Variants in PCDH15 observed in about 807,000 individuals in gnomAD.
PCDH15 encodes the protein protocadherin-15.
In PCDH15, 129 loss-of-function variants were observed where a neutral mutation model predicts 178.5. The ratio of observed to expected loss-of-function variants is 0.72; its 90% CI spans 0.63 to 0.84. PCDH15 has a LOEUF of 0.84. Among genes scored for constraint, PCDH15 ranks in the 40% least tolerant of loss-of-function variants. PCDH15 has a pLI of 0.00. For synonymous variants in PCDH15, 800 were observed against 732.0 expected, an observed-to-expected ratio of 1.09 and a Z score of -1.50; for missense variants, 2,230 against 2,099.9, an observed-to-expected ratio of 1.06 and a Z score of -1.21.
chr10:54,344,143 G>A (rs567197599), intron 6 of PCDH15, among the ~76,000 whole-genome samples: 13 of 152,156 alleles, frequency 8.5e-5, no homozygotes, highest in Non-Finnish European at 1.8e-4. Flanking sequence ...CCCTAAGATT[G>A]TACCTTGGTT....
chr10:53,899,386 CT>C (rs1564719148), intron 26 of PCDH15, among the ~76,000 whole-genome samples: 2 of 152,198 alleles, frequency 1.3e-5, no homozygotes, highest in South Asian at 4.2e-4. Context: ...TATTGTGTCA[CT>C]TTACCTGTAG....
At chr10:54,946,938 C>T (rs1351038846) in intron 2 of PCDH15, among the ~76,000 whole-genome samples, 1 of 151,858 alleles carries the variant, frequency 6.6e-6, no homozygotes, top group African/African-American at 2.4e-5. Flanking sequence ...TAATAAGGTA[C>T]ATCTGTATTA....
At chr10:53,928,669 G>T (rs1460051488) in intron 25 of PCDH15, among the ~76,000 whole-genome samples, 1 of 151,940 alleles carries the variant, frequency 6.6e-6, no homozygotes, top group African/African-American at 2.4e-5. Context: ...GCATTTAATA[G>T]GGCTTAGTGT....
In PCDH15 at chr10:55,581,734, A is replaced by G. The variant is rs143105481; in HGVS notation, c.-156+45891T>C. Among the ~76,000 whole-genome samples, 1,446 of 152,310 alleles carry G rather than the reference A, an allele frequency of 9.5e-3. 12 individuals carry two copies. Among genetic ancestry groups the G allele is most frequent in the South Asian group, 0.017 (80 of 4,824 alleles). ...GACAACTGTCTGAAGGACCTGGTAT[A>G]TGGACTTCTGCATAAAAAGACTGAA... is the stretch of plus-strand genomic sequence containing the variant. On this transcript the variant is annotated intron_variant, in intron 2 of 5. Coordinates refer to the PCDH15 transcript ENST00000613346.
At chr10:55,281,947 CA>C (rs2132258225) in intron 1 of PCDH15, among the ~76,000 whole-genome samples, 1 of 152,256 alleles carries the variant, frequency 6.6e-6, no homozygotes, top group South Asian at 2.1e-4. Flanking sequence ...TTCTCAGAAA[CA>C]AACTCCTTAG....
chr10:54,242,947 T>C (rs1564772186), intron 8 of PCDH15, among the ~76,000 whole-genome samples: 1 of 152,218 alleles, frequency 6.6e-6, no homozygotes, highest in Non-Finnish European at 1.5e-5. Flanking sequence ...ATCTTTACAC[T>C]GTATTTTAAT....
chr10:53,963,397 G>T (rs2088582336), intron 21 of PCDH15, among the ~76,000 whole-genome samples: 2 of 151,982 alleles, frequency 1.3e-5, no homozygotes, highest in African/African-American at 2.4e-5. Flanking sequence ...GACTCTGCTT[G>T]TTCCCACTCT....
At chr10:55,231,971 T>G (rs1713822269) in intron 1 of PCDH15, among the ~76,000 whole-genome samples, 1 of 152,068 alleles carries the variant, frequency 6.6e-6, no homozygotes, top group South Asian at 2.1e-4. Flanking sequence ...TATTTAATTC[T>G]GTCAAAGCTG....
Position 54,529,459 on chromosome 10 carries a change from T to C in PCDH15, c.92-1582A>G, listed in dbSNP as rs375020332. 9.9e-5 allele frequency among the ~76,000 whole-genome samples: 15 copies of C among 152,162 alleles called. No homozygotes were observed. In the South Asian group the frequency reaches 1.7e-3, roughly 17 times the overall value. ...TGTACCCAAATCAAAAGTGAAATAA[T>C]AGCATTCCTCTGAACAAAAACCTTA... is the stretch of plus-strand genomic sequence containing the variant. On this transcript the variant is annotated intron_variant, in intron 2 of 37. Transcript: ENST00000644397.
intron 1 of PCDH15, among the ~76,000 whole-genome samples, chr10:55,218,625 T>C (rs1222985233): frequency 6.6e-6 from 1 of 152,030 alleles, no homozygotes; most frequent in Non-Finnish European, 1.5e-5. Context: ...CCTTCGTTGA[T>C]AGGTAAGCCA....
intron 18 of PCDH15, among the ~76,000 whole-genome samples, chr10:54,058,048 C>T (rs767670223): frequency 1.3e-5 from 2 of 152,170 alleles, no homozygotes; most frequent in Non-Finnish European, 2.9e-5. Flanking sequence ...TTTAATAATT[C>T]TCTATGAAGT....
At chr10:55,430,537 T>C (rs1409127040) in intron 2 of PCDH15, among the ~76,000 whole-genome samples, 1 of 152,170 alleles carries the variant, frequency 6.6e-6, no homozygotes, top group Non-Finnish European at 1.5e-5. Flanking sequence ...TAATTTAATT[T>C]TATTCACCCT....
At chr10:54,977,418 T>C (rs1166559481) in intron 2 of PCDH15, among the ~76,000 whole-genome samples, 1 of 152,134 alleles carries the variant, frequency 6.6e-6, no homozygotes, top group Admixed American at 6.6e-5. Context: ...ACTGTAATTA[T>C]AGTACATTAG....
chr10:55,065,548 C>T (rs142858820), intron 2 of PCDH15, among the ~76,000 whole-genome samples: 3 of 152,102 alleles, frequency 2.0e-5, no homozygotes, highest in Admixed American at 2.0e-4. Context: ...TATCTGTTTA[C>T]ATGCTTTTTA....
intron 2 of PCDH15, among the ~76,000 whole-genome samples, chr10:55,120,289 T>G (rs536903361): frequency 1.8e-4 from 27 of 152,172 alleles, no homozygotes; most frequent in Non-Finnish European, 3.7e-4. Context: ...AGACCTGGTG[T>G]GAAGGAAGAC....
intron 2 of PCDH15, among the ~76,000 whole-genome samples, chr10:54,654,198 A>C (rs999726498): frequency 2.6e-5 from 4 of 152,214 alleles, no homozygotes; most frequent in Non-Finnish European, 5.9e-5. Context: ...GTGGACAGCA[A>C]GTTAAATAAT....
chr10:55,210,844 T>C (rs1840551396), intron 1 of PCDH15, among the ~76,000 whole-genome samples: 1 of 151,618 alleles, frequency 6.6e-6, no homozygotes, highest in Non-Finnish European at 1.5e-5. Flanking sequence ...GGCCGGATGG[T>C]CTTGATCTCT....
At chr10:54,508,618 G>A (rs2081369446) in intron 3 of PCDH15, among the ~76,000 whole-genome samples, 3 of 152,084 alleles carry the variant, frequency 2.0e-5, no homozygotes, top group Admixed American at 1.3e-4. Flanking sequence ...ATTGAATATG[G>A]CACTGAAGTG....
intron 1 of PCDH15, among the ~76,000 whole-genome samples, chr10:54,758,896 T>A (rs1947508157): frequency 6.6e-6 from 1 of 152,194 alleles, no homozygotes. Flanking sequence ...TTTCCAATTT[T>A]TCTGACTTAT....
Sources: gnomAD v4.1 joint callset for allele counts (sites outside exome capture counted in the v4.1 genomes callset) on GRCh38, gnomAD v4.1.1 for gene constraint, MANE v1.5 for transcripts, NCBI Gene and HGNC (gene_info 2026-07-23, HGNC 2026-07-21) for gene names.